The following TLL2 variants were observed in gnomAD, a reference collection of about 807,000 sequenced individuals.
TLL2 encodes the protein tolloid-like protein 2.
A neutral mutation model predicts 123.0 loss-of-function variants in TLL2; 106 were observed. The ratio of observed to expected loss-of-function variants is 0.86; its 90% CI spans 0.74 to 1.01. The LOEUF is 1.01. Among genes scored for constraint, TLL2 ranks in the 50% least tolerant of loss-of-function variants. TLL2 has a pLI of 0.00. For synonymous variants in TLL2, 494 were observed against 516.8 expected, an observed-to-expected ratio of 0.96 and a Z score of 0.60; for missense variants, 1,332 against 1,336.7, an observed-to-expected ratio of 1.00 and a Z score of 0.06.
chr10:96,386,053 A>G lies in TLL2; in HGVS notation c.2013+2T>C, dbSNP rs1564895789. On this transcript the variant is annotated splice_donor_variant, in intron 15 of 20. Transcript: ENST00000357947. LOFTEE classifies it high-confidence loss of function. Reference sequence around the variant, plus strand: ...CCAATCAATTAGAGCATGGAGACATACGTCATTGCCTTCCAGTTCAAACAC... The same window carrying G: ...CCAATCAATTAGAGCATGGAGACATGCGTCATTGCCTTCCAGTTCAAACAC... 1.3e-6 allele frequency: 2 copies of G among 1,590,420 alleles called. No individual in the cohort carries two copies. The highest frequency in any genetic ancestry group is 3.5e-5 in the Admixed American group (2 of 57,196).
chr10:96,392,395 T>C lies in TLL2; in HGVS notation c.1726+2792A>G, dbSNP rs182674551. Among the ~76,000 whole-genome samples the C allele has an allele frequency of 1.8e-4, 27 of 151,260 alleles. No homozygotes were observed. In the East Asian group the frequency reaches 4.6e-3, roughly 26 times the overall value. ...CACAGTATGTGATATTTGGGACACA[T>C]ACTAAAAAAAAATCATTCTGTATCT... On this transcript the variant is annotated intron_variant, in intron 13 of 20. Coordinates refer to ENST00000357947, the MANE Select transcript of TLL2 (RefSeq NM_012465.4).
At chr10:96,371,780 C>T (rs1846087254) in intron 19 of TLL2, among the ~76,000 whole-genome samples, 1 of 152,198 alleles carries the variant, frequency 6.6e-6, no homozygotes, top group Admixed American at 6.5e-5. Context: ...GCTGCAGGTT[C>T]AGCCATGGGG....
chr10:96,454,674 G>T (rs1269261392), intron 2 of TLL2, among the ~76,000 whole-genome samples: 1 of 152,036 alleles, frequency 6.6e-6, no homozygotes, highest in Non-Finnish European at 1.5e-5. Context: ...ATTTATTGTT[G>T]TATATCAAAC....
chr10:96,386,954 T>G lies in TLL2; in HGVS notation c.1851A>C (p.Glu617Asp), dbSNP rs1041693249. ...YELAADKKMC[E>D]VACGGFITKL... is the part of the protein sequence containing the mutation. ...TAGCTTGGCAGGTCCCACACCAACCTTCACACATCTTCTTATCGGCGGCCA... is the reference window on the plus strand; with the variant it reads ...TAGCTTGGCAGGTCCCACACCAACCGTCACACATCTTCTTATCGGCGGCCA... The change falls in exon 14 of 21, where the codon GAA becomes GAC. Residue 617 changes from glutamate to aspartate, a missense_variant and splice_region_variant. Coordinates refer to ENST00000357947, the MANE Select transcript of TLL2 (RefSeq NM_012465.4). 6.2e-7 allele frequency: 1 copy of G among 1,614,020 alleles called. No homozygotes were observed. The highest frequency in any genetic ancestry group is 8.5e-7 in the Non-Finnish European group (1 of 1,180,030).
At chr10:96,509,900 TC>T (rs1805077472) in intron 1 of TLL2, among the ~76,000 whole-genome samples, 2 of 152,156 alleles carry the variant, frequency 1.3e-5, no homozygotes, top group African/African-American at 4.8e-5. Flanking sequence ...TGAGCCGAGA[TC>T]AGGCCACTGC....
chr10:96,476,618 G>A (rs1286907916), intron 2 of TLL2, among the ~76,000 whole-genome samples: 1 of 145,398 alleles, frequency 6.9e-6, no homozygotes, highest in Non-Finnish European at 1.5e-5. Flanking sequence ...GTTATTTATA[G>A]AAACATTGCT....
rs1247916726 is a variant in TLL2, at chr10:96,405,254, G to C, written c.1245C>G (p.Tyr415Ter). The part of the protein sequence containing the change: ...WYDYVEVRDG[Y>*]WRKAPLLGRF... ...TACCCAAAAGGGGGGCTTTTCTCCA[G>C]TAACCATCCCGGACCTCCACGTAAT... is the stretch of plus-strand genomic sequence containing the variant. The change falls in exon 10 of 21, where the codon TAC (tyrosine) becomes TAG (stop). Residue 415 changes from tyrosine to a stop codon, truncating the protein, a stop_gained. Coordinates refer to ENST00000357947, the MANE Select transcript of TLL2 (RefSeq NM_012465.4). LOFTEE classifies it high-confidence loss of function. 1 of 1,614,126 alleles carries C rather than the reference G, an allele frequency of 6.2e-7. No individual in the cohort carries two copies. The highest frequency in any genetic ancestry group is 2.2e-5 in the East Asian group (1 of 44,890).
intron 4 of TLL2, among the ~76,000 whole-genome samples, chr10:96,431,140 AAC>A (rs1373243120): frequency 1.3e-5 from 2 of 152,224 alleles, no homozygotes; most frequent in Non-Finnish European, 2.9e-5. Context: ...GATCTGAAAG[AAC>A]ACAGTTAGGA....
intron 1 of TLL2, among the ~76,000 whole-genome samples, chr10:96,508,181 G>A (rs898153432): frequency 1.2e-4 from 18 of 152,142 alleles, no homozygotes; most frequent in Non-Finnish European, 2.9e-5. Flanking sequence ...GAAGGTTGGC[G>A]ACTCCAGAGG....
rs970926956 is a variant in TLL2, at chr10:96,470,706, T to A, written c.286+9643A>T. Among the ~76,000 whole-genome samples, 6 of 152,214 alleles carry A rather than the reference T, an allele frequency of 3.9e-5. No individual in the cohort carries two copies. The East Asian group carries it at 1.2e-3, about 29-fold the overall frequency. ...GACACTTCAAAGACTAGAGTCCTAA[T>A]CTTGGCTCTGCCAATGATTAGCTGT... On this transcript the variant is annotated intron_variant, in intron 2 of 20. Transcript: ENST00000357947.
rs35968467 is a variant in TLL2 at position 96,429,363 on chromosome 10, C to CAA, written c.521-617_521-616dup. On this transcript the variant is annotated intron_variant, in intron 4 of 20. Coordinates refer to ENST00000357947, the MANE Select transcript of TLL2 (RefSeq NM_012465.4). ...TTTTTATTTGTCAATTAAATATTTT[C>CAA]AAAAAAAAAAAAAGCTTGTTCAGAA... Among the ~76,000 whole-genome samples, 494 of 142,172 alleles carry CAA rather than the reference C, an allele frequency of 3.5e-3. 4 individuals are homozygous for CAA. Among genetic ancestry groups the CAA allele is most frequent in the East Asian group, 0.022 (108 of 4,934 alleles). 93.3% of individuals were successfully genotyped at this position (142,172 alleles called of 152,430 possible).
In TLL2 at chr10:96,432,814, G is replaced by T. The variant is rs763788678; in HGVS notation, c.513C>A (p.Asn171Lys). ...TTGTCTGTGGCTACTGACCAGTGAA[G>T]TTCCCTCCAATGACGTAGGGGATGA... is the stretch of plus-strand genomic sequence containing the variant. ...GGVIPYVIGG[N>K]FTGSQRAIFK... The change falls in exon 4 of 21, where the codon AAC (asparagine) becomes AAA (lysine). Residue 171 changes from asparagine (N) to lysine (K), a missense_variant. By Grantham distance (94) the Asn-to-Lys change is moderately conservative (BLOSUM62 0). Coordinates refer to ENST00000357947, the MANE Select transcript of TLL2 (RefSeq NM_012465.4). 4 of 1,613,840 alleles carry T rather than the reference G, an allele frequency of 2.5e-6. No individual in the cohort carries two copies. In the South Asian group the frequency reaches 3.3e-5, roughly 13 times the overall value.
At chr10:96,475,094 A>T (rs1435359902) in intron 2 of TLL2, among the ~76,000 whole-genome samples, 2 of 152,374 alleles carry the variant, frequency 1.3e-5, no homozygotes, top group East Asian at 3.9e-4. Context: ...CTGAGGTTCC[A>T]GGTAGACATG....
Position 96,365,146 on chromosome 10 carries a change from A to T in TLL2, c.*2942T>A, listed in dbSNP as rs1846011434. ...CAGAAAGAATCTTACAATGTTTTTT[A>T]AAAAGTTTACGAATTTGTGTCGGGC... On this transcript the variant is annotated 3_prime_UTR_variant, in exon 21 of 21. Transcript: ENST00000357947. 1 of 152,202 alleles carries T rather than the reference A, an allele frequency of 6.6e-6. No homozygotes were observed. The highest frequency in any genetic ancestry group is 1.5e-5 in the Non-Finnish European group (1 of 68,030). The allele number at this position is 152,202 out of a possible 1,614,324, so 9.4% of individuals were successfully genotyped here.
chr10:96,510,198 C>A (rs1847615654), intron 1 of TLL2, among the ~76,000 whole-genome samples: 1 of 152,182 alleles, frequency 6.6e-6, no homozygotes, highest in African/African-American at 2.4e-5. Context: ...GAACAGTCCT[C>A]CCAAGCTTTG....
In TLL2 at chr10:96,407,869, GCA is replaced by G. The variant is rs1314482389; in HGVS notation, c.1164+2488_1164+2489del. ...TGAGCATGTGCATGCATGTGTGTGC[GCA>G]CACGTGTGTGCGTGTGTGTGCATGT... On this transcript the variant is annotated intron_variant, in intron 9 of 20. Coordinates refer to ENST00000357947, the MANE Select transcript of TLL2 (RefSeq NM_012465.4). Among the ~76,000 whole-genome samples, 6 of 151,846 alleles carry G rather than the reference GCA, an allele frequency of 4.0e-5. No individual in the cohort carries two copies. The East Asian group carries it at 9.6e-4, about 24-fold the overall frequency.
intron 1 of TLL2, among the ~76,000 whole-genome samples, chr10:96,493,530 G>A (rs182878239): frequency 6.8e-4 from 103 of 152,252 alleles, no homozygotes; most frequent in African/African-American, 2.4e-3. Context: ...CCAGCCATGC[G>A]GACTGCTGTA....
At chr10:96,398,849 T>C (rs1281971270) in intron 10 of TLL2, among the ~76,000 whole-genome samples, 2 of 151,342 alleles carry the variant, frequency 1.3e-5, no homozygotes, top group Non-Finnish European at 2.9e-5. Context: ...GGGTCTTCTT[T>C]TGGAGTGATG....
intron 1 of TLL2, among the ~76,000 whole-genome samples, chr10:96,492,065 G>A (rs1847419362): frequency 6.6e-6 from 1 of 152,162 alleles, no homozygotes; most frequent in Non-Finnish European, 1.5e-5. Context: ...GCACAGCACA[G>A]ATCTTGCCCT....
Sources: gnomAD v4.1 joint callset for allele counts (sites outside exome capture counted in the v4.1 genomes callset) on GRCh38, gnomAD v4.1.1 for gene constraint, MANE v1.5 for transcripts, NCBI Gene and HGNC (gene_info 2026-07-23, HGNC 2026-07-21) for gene names.